NRXN3: variants seen among roughly 807,000 people sequenced by gnomAD.
The protein encoded by NRXN3 is neurexin 3.
Under a neutral mutation model 137.6 loss-of-function variants are expected in NRXN3, and 32 were observed. The observed-to-expected ratio is 0.23, with a 90% CI of 0.18 to 0.31. The LOEUF is 0.31. Ranked by LOEUF, NRXN3 falls within the 10% of genes least tolerant of loss-of-function variation. NRXN3 has a pLI of 1.00. For missense variants in NRXN3, 1,574 were observed against 2,062.5 expected, an observed-to-expected ratio of 0.76 and a Z score of 4.59; for synonymous variants, 798 against 784.5, an observed-to-expected ratio of 1.02 and a Z score of -0.29.
intron 10 of NRXN3, among the ~76,000 whole-genome samples, chr14:78,836,235 AG>A (rs2098996550): frequency 6.6e-6 from 1 of 152,258 alleles, no homozygotes; most frequent in African/African-American, 2.4e-5. Context: ...AAAAGGAAAG[AG>A]AATGTTACTT....
At chr14:78,978,040 G>A (rs117995883) in intron 14 of NRXN3, among the ~76,000 whole-genome samples, 1 of 152,242 alleles carries the variant, frequency 6.6e-6, no homozygotes, top group East Asian at 1.9e-4. Flanking sequence ...TATACCCAAC[G>A]TATTATGAGA....
intron 17 of NRXN3, 103 bp downstream of exon 17, chr14:79,664,052 G>A (rs2098546726): frequency 1.7e-6 from 2 of 1,155,108 alleles, no homozygotes; most frequent in Non-Finnish European, 2.5e-6. Flanking sequence ...AGAACACTGA[G>A]TGAAGTACAC....
chr14:78,173,709 C>CTTTTTTCTTTTTTTTTTTT (rs769368523), intron 1 of NRXN3, among the ~76,000 whole-genome samples: 2 of 69,336 alleles, frequency 2.9e-5, no homozygotes, highest in Non-Finnish European at 4.9e-5. Context: ...TTTTTCCTTG[C>CTTTTTTCTTTTTTTTTTTT]TTTTTTTTTT....
chr14:78,813,002 T>G (rs1422585612), intron 10 of NRXN3, among the ~76,000 whole-genome samples: 1 of 147,730 alleles, frequency 6.8e-6, no homozygotes, highest in African/African-American at 2.5e-5. Flanking sequence ...TCTAGGGTTA[T>G]GTAGAGTCAC....
At chr14:78,511,822 A>G (rs2096113837) in intron 4 of NRXN3, among the ~76,000 whole-genome samples, 1 of 152,148 alleles carries the variant, frequency 6.6e-6, no homozygotes, top group Non-Finnish European at 1.5e-5. Context: ...ATCTGGTTCT[A>G]GAACCCAGGA....
intron 4 of NRXN3, among the ~76,000 whole-genome samples, chr14:78,460,487 C>T (rs2094891887): frequency 6.6e-6 from 1 of 152,116 alleles, no homozygotes; most frequent in African/African-American, 2.4e-5. Flanking sequence ...TATGGCGATT[C>T]CAAGGATTTT....
chr14:79,771,099 CGAA>C (rs2099076532), intron 19 of NRXN3, among the ~76,000 whole-genome samples: 1 of 152,094 alleles, frequency 6.6e-6, no homozygotes, highest in Non-Finnish European at 1.5e-5. Context: ...TCTGAATAGA[CGAA>C]TAAGAGGAGC....
At chr14:79,527,828 G>A (rs997391998) in intron 16 of NRXN3, among the ~76,000 whole-genome samples, 11 of 149,402 alleles carry the variant, frequency 7.4e-5, no homozygotes, top group African/African-American at 2.7e-4. Flanking sequence ...CCGAGTTTGT[G>A]CCACTGTACT....
In NRXN3 at chr14:78,243,349, C is replaced by A; in HGVS notation, c.256C>A (p.Gln86Lys). ...LCLSLVDGRV[Q>K]LRFSMDCAET... is the part of the protein sequence containing the mutation. ...CCTCTCCCTGGTGGATGGCCGCGTT[C>A]AGCTCCGCTTCAGCATGGACTGTGC... The change falls in exon 2 of 21, where the codon CAG (glutamine) becomes AAG (lysine). Residue 86 changes from glutamine (Q) to lysine (K), a missense_variant. Transcript: ENST00000335750. This position sits in a 1 kb window ranked among gnomAD's most constrained non-coding sequence, Gnocchi z 4.2. 1 of 1,561,136 alleles carries A rather than the reference C, an allele frequency of 6.4e-7. No individual in the cohort carries two copies. The highest frequency in any genetic ancestry group is 2.3e-5 in the East Asian group (1 of 42,852).
intron 8 of NRXN3, among the ~76,000 whole-genome samples, chr14:78,792,877 A>G (rs183954445): frequency 1.6e-4 from 24 of 152,328 alleles, no homozygotes; most frequent in African/African-American, 5.5e-4. Flanking sequence ...CTTTGGTAAT[A>G]TAACACTAAA....
intron 5 of NRXN3, chr14:78,649,125 C>T: frequency 2.2e-6 from 1 of 459,852 alleles, no homozygotes; most frequent in Non-Finnish European, 3.9e-6. Flanking sequence ...GAAACTAACA[C>T]AAGATCATTC....
rs181414651 is a variant in NRXN3 at position 78,842,723 on chromosome 14, G to A, written c.2275+32379G>A. Among the ~76,000 whole-genome samples, 269 of 152,106 alleles carry A rather than the reference G, an allele frequency of 1.8e-3. 1 individual carries two copies. Among genetic ancestry groups the A allele is most frequent in the African/African-American group, 5.4e-3 (225 of 41,490 alleles). ...ACAGCTGTGACCATAAAAGACAGCC[G>A]CCCCCAAAGTGACCATTTCAGAGGC... On this transcript the variant is annotated intron_variant, in intron 10 of 20. Transcript: ENST00000335750.
chr14:79,250,511 T>C (rs927995850), intron 15 of NRXN3, among the ~76,000 whole-genome samples: 2 of 152,202 alleles, frequency 1.3e-5, no homozygotes, highest in Admixed American at 6.5e-5. Flanking sequence ...CACAAGTCAC[T>C]ATGAGTATTA....
chr14:78,445,217 G>C (rs1478282099), intron 4 of NRXN3, among the ~76,000 whole-genome samples: 1 of 152,156 alleles, frequency 6.6e-6, no homozygotes, highest in Non-Finnish European at 1.5e-5. Flanking sequence ...ATGAGCTAGG[G>C]AGATGCTTGC....
At chr14:79,385,285 C>T (rs938569008) in intron 15 of NRXN3, among the ~76,000 whole-genome samples, 1 of 146,360 alleles carries the variant, frequency 6.8e-6, no homozygotes, top group Non-Finnish European at 1.5e-5. Flanking sequence ...GTTCAATTCC[C>T]ACCTATGAGT....
intron 19 of NRXN3, among the ~76,000 whole-genome samples, chr14:79,750,185 T>C (rs143929516): frequency 1.1e-3 from 169 of 152,224 alleles, no homozygotes; most frequent in African/African-American, 2.7e-3. Context: ...TTAGGGTTGG[T>C]TGGAGAGTAA....
chr14:79,701,975 A>G (rs2098756326), intron 19 of NRXN3, among the ~76,000 whole-genome samples: 1 of 152,070 alleles, frequency 6.6e-6, no homozygotes, highest in Non-Finnish European at 1.5e-5. Flanking sequence ...CAATTGGTGT[A>G]TTAAATCAAG....
chr14:78,872,280 TAAA>T (rs1203913952), intron 10 of NRXN3, among the ~76,000 whole-genome samples: 20 of 147,912 alleles, frequency 1.4e-4, no homozygotes, highest in Admixed American at 8.8e-4. Flanking sequence ...TACATATAAA[TAAA>T]TATATATACA....
At chr14:78,707,403 G>A (rs570683164) in intron 6 of NRXN3, among the ~76,000 whole-genome samples, 6 of 152,218 alleles carry the variant, frequency 3.9e-5, no homozygotes, top group South Asian at 2.1e-4. Flanking sequence ...TTATGGATAC[G>A]ACATTGCTCA....
Sources: gnomAD v4.1 joint callset for allele counts (sites outside exome capture counted in the v4.1 genomes callset) on GRCh38, gnomAD v4.1.1 for gene constraint, Gnocchi (gnomAD v3.1) non-coding constraint, MANE v1.5 for transcripts, NCBI Gene and HGNC (gene_info 2026-07-23, HGNC 2026-07-21) for gene names.